Variants in MPDZ observed in about 807,000 individuals in gnomAD.
The protein encoded by MPDZ is multiple PDZ domain protein.
In MPDZ, 234 loss-of-function variants were observed where a neutral mutation model predicts 239.1. The ratio of observed to expected loss-of-function variants is 0.98; its 90% CI spans 0.88 to 1.09. MPDZ has a LOEUF of 1.09. Among genes scored for constraint, MPDZ ranks in the 50% least tolerant of loss-of-function variants. The pLI, the probability that MPDZ is intolerant of heterozygous loss-of-function variation, is 0.00. For synonymous variants in MPDZ, 1,048 were observed against 881.3 expected, an observed-to-expected ratio of 1.19 and a Z score of -3.35; for missense variants, 3,175 against 2,510.0, an observed-to-expected ratio of 1.26 and a Z score of -5.66.
At chr9:13,175,966 A>T in intron 20 of MPDZ, 91 bp from the exon 21 acceptor site, 1 of 1,465,342 alleles carries the variant, frequency 6.8e-7, no homozygotes, top group Non-Finnish European at 9.1e-7. Flanking sequence ...TCTCTAATTG[A>T]TTGTGCTTTA....
At chr9:13,238,648 C>T (rs996867641) in intron 3 of MPDZ, among the ~76,000 whole-genome samples, 6 of 152,236 alleles carry the variant, frequency 3.9e-5, no homozygotes, top group African/African-American at 1.2e-4. Flanking sequence ...AACAGTGCAA[C>T]TAAACTTTAA....
chr9:13,123,363 A>G, intron 35 of MPDZ, 65 bp from the exon 36 acceptor site: 3 of 1,406,252 alleles, frequency 2.1e-6, no homozygotes, highest in Non-Finnish European at 2.9e-6. Context: ...CATCAAACTC[A>G]TCACACAGAT....
At chr9:13,187,154 T>A (rs992128204) in intron 17 of MPDZ, among the ~76,000 whole-genome samples, 1 of 152,168 alleles carries the variant, frequency 6.6e-6, no homozygotes, top group Non-Finnish European at 1.5e-5. Flanking sequence ...AAGAAACTGT[T>A]TTTCTTCTTT....
rs1315124366 is a variant in MPDZ at position 13,176,414 on chromosome 9, C to T, written c.2653G>A (p.Val885Ile). 3 of 1,552,556 alleles carry T rather than the reference C, an allele frequency of 1.9e-6. No individual in the cohort carries two copies. Among genetic ancestry groups the T allele is most frequent in the Non-Finnish European group, 2.6e-6 (3 of 1,148,616 alleles). Residue 885 changes from valine to isoleucine, a missense_variant, in exon 20 of 47, where the codon GTT becomes ATT. Val to Ile is a conservative substitution (Grantham distance 29). Transcript: ENST00000319217. ...ACTGGATCACAAGAATTTTCAATAACATCCTGGTAGTTAAAAAACAACAAC... is the reference window on the plus strand; with the variant it reads ...ACTGGATCACAAGAATTTTCAATAATATCCTGGTAGTTAAAAAACAACAAC... ...SSLPSSPPKD[V>I]IENSCDPVLD...
chr9:13,146,925 C>A (rs775079680), intron 26 of MPDZ, among the ~76,000 whole-genome samples: 2 of 151,936 alleles, frequency 1.3e-5, no homozygotes, highest in Non-Finnish European at 2.9e-5. Context: ...TGCTATTTTA[C>A]CTGTGGTGAC....
rs1944964153 is a variant in MPDZ, at chr9:13,125,370, T to G, written c.4653A>C (p.Thr1551=). Reference sequence around the variant, plus strand: ...TGGTAAGTTTTACTGTCATCTTTGCTGTCTTCAGAAGGCTAATAAACTGGC... The same window carrying G: ...TGGTAAGTTTTACTGTCATCTTTGCGGTCTTCAGAAGGCTAATAAACTGGC... ...PIEKFISLLK[T]AKMTVKLTIH... The change falls in exon 35 of 47, where the codon ACA becomes ACC. Residue 1551 remains threonine (T), a synonymous_variant. Transcript: ENST00000319217. 4.3e-6 allele frequency: 7 copies of G among 1,613,780 alleles called. No homozygotes were observed. The highest frequency in any genetic ancestry group is 2.2e-5 in the South Asian group (2 of 91,066).
Position 13,113,028 on chromosome 9 carries a change from T to C in MPDZ, c.5584A>G (p.Thr1862Ala), listed in dbSNP as rs769199723. Residue 1862 changes from threonine to alanine, a missense_variant, in exon 42 of 47, where the codon ACA becomes GCA. By Grantham distance (58) the Thr-to-Ala change is moderately conservative. Transcript: ENST00000319217. ...CAAGTTACCTTTTTCATTTCGACTG[T>C]TCTTAATCCCTGTATTTCAGATGCC... ...ALASEIQGLR[T>A]VEMKKGPTDS... 4 of 1,586,150 alleles carry C rather than the reference T, an allele frequency of 2.5e-6. No individual in the cohort carries two copies. Among genetic ancestry groups the C allele is most frequent in the South Asian group, 2.3e-5 (2 of 87,108 alleles).
At chr9:13,115,532 C>G (rs1306969351) in intron 39 of MPDZ, among the ~76,000 whole-genome samples, 198 bp from the exon 40 acceptor site, 2 of 152,076 alleles carry the variant, frequency 1.3e-5, no homozygotes, top group Non-Finnish European at 2.9e-5. Flanking sequence ...TAATCAGCAG[C>G]AGCAACACCA....
chr9:13,248,740 G>C (rs1967007986), intron 2 of MPDZ, among the ~76,000 whole-genome samples: 1 of 151,450 alleles, frequency 6.6e-6, no homozygotes, highest in African/African-American at 2.4e-5. Flanking sequence ...GGCTGAGGCG[G>C]GTGGATTACT....
rs777511065 is a variant in MPDZ at position 13,217,302 on chromosome 9, A to T, written c.1087-8T>A. The T allele has an allele frequency of 6.6e-7, 1 of 1,520,552 alleles. No homozygotes were observed. The highest frequency in any genetic ancestry group is 1.4e-5 in the African/African-American group (1 of 72,420). 94.2% of individuals were successfully genotyped at this position (1,520,552 alleles called of 1,614,324 possible). On this transcript the variant is annotated splice_region_variant and splice_polypyrimidine_tract_variant and intron_variant, in intron 8 of 46. Transcript: ENST00000319217. ...CTGAGTAGAAGCATCAACCTAAAAT[A>T]AAATCAATAAATATACAGTGAAATA...
intron 21 of MPDZ, among the ~76,000 whole-genome samples, chr9:13,169,313 G>A (rs1287798786): frequency 2.6e-5 from 4 of 151,972 alleles, no homozygotes; most frequent in Admixed American, 6.6e-5. Context: ...AATTGAACCT[G>A]CAATTTTTCA....
intron 27 of MPDZ, among the ~76,000 whole-genome samples, chr9:13,142,441 G>A (rs919110932): frequency 1.3e-5 from 2 of 151,978 alleles, no homozygotes; most frequent in African/African-American, 4.8e-5. Flanking sequence ...TATCTGCCTC[G>A]TTAGTGACAC....
At chr9:13,111,474 G>A (rs941247242) in intron 43 of MPDZ, among the ~76,000 whole-genome samples, 32 of 152,258 alleles carry the variant, frequency 2.1e-4, no homozygotes, top group African/African-American at 6.3e-4. Context: ...ACTGAGTTGC[G>A]TTAATGGAAT....
At chr9:13,247,901 G>C (rs1157818124) in intron 2 of MPDZ, 100 bp from the exon 3 acceptor site, 6 of 1,135,764 alleles carry the variant, frequency 5.3e-6, no homozygotes, top group Middle Eastern at 3.1e-4. Flanking sequence ...TATTTCTATT[G>C]AGTGCATAAA....
chr9:13,165,396 T>C, intron 22 of MPDZ: 1 of 1,549,484 alleles, frequency 6.5e-7, no homozygotes, highest in South Asian at 1.2e-5. Context: ...CGTCAGCAGG[T>C]GCTGCAGAAA....
At chr9:13,221,273 C>G in intron 7 of MPDZ, 99 bp downstream of exon 7, 1 of 1,297,410 alleles carries the variant, frequency 7.7e-7, no homozygotes, top group South Asian at 1.9e-5. Flanking sequence ...TCTTTGGCAT[C>G]ATTTAAGGCC....
At chr9:13,113,093 T>A in intron 41 of MPDZ, 39 bp from the exon 42 acceptor site, 2 of 1,494,134 alleles carry the variant, frequency 1.3e-6, no homozygotes, top group Non-Finnish European at 1.8e-6. Context: ...TTATTTTATG[T>A]TCATTCACTT....
At chr9:13,216,675 A>T in intron 10 of MPDZ, 99 bp downstream of exon 10, 1 of 798,890 alleles carries the variant, frequency 1.3e-6, no homozygotes, top group Non-Finnish European at 1.9e-6. Flanking sequence ...AGCTTAAATT[A>T]GTACAGAGTT....
chr9:13,154,289 A>T (rs1372566035), intron 24 of MPDZ, among the ~76,000 whole-genome samples: 1 of 152,182 alleles, frequency 6.6e-6, no homozygotes, highest in Non-Finnish European at 1.5e-5. Flanking sequence ...GAGGCCTAGA[A>T]AAGAAACTAC....
Sources: allele counts gnomAD v4.1 joint callset (sites outside exome capture counted in the v4.1 genomes callset), GRCh38; gene constraint gnomAD v4.1.1; transcripts MANE v1.5; gene names NCBI Gene and HGNC (gene_info 2026-07-23, HGNC 2026-07-21).